The following PYROXD1 variants were observed in gnomAD, a reference collection of about 807,000 sequenced individuals.
PYROXD1 encodes the protein tRNA ligase complex-associated NAD(P)H dehydrogenase PYROXD1.
In PYROXD1, 42 loss-of-function variants were observed where a neutral mutation model predicts 62.0. The observed-to-expected ratio is 0.68, with a 90% CI of 0.53 to 0.88. The LOEUF (loss-of-function observed/expected upper bound fraction) is 0.88. Among genes scored for constraint, PYROXD1 ranks in the 40% least tolerant of loss-of-function variants. The pLI is 0.00. For synonymous variants in PYROXD1, 170 were observed against 206.4 expected (o/e 0.82, Z 1.51); for missense variants, 493 against 604.8 (o/e 0.82, Z 1.94).
At position 21,466,793 on chromosome 12, in the gene PYROXD1, G is replaced by A. The variant is rs112581740; in HGVS notation, c.1117-688G>A. Among the ~76,000 whole-genome samples the A allele has an allele frequency of 1.1e-3, 161 of 152,290 alleles. 1 individual carries two copies. Among genetic ancestry groups the A allele is most frequent in the African/African-American group, 3.6e-3 (148 of 41,548 alleles). ...TTGTTCATTCAGTATGATATTGGCT[G>A]TGGGTTTGTCATAGATCTTATTATT... is the stretch of plus-strand genomic sequence containing the variant. On this transcript the variant is annotated intron_variant, in intron 10 of 11. Coordinates refer to ENST00000240651, the MANE Select transcript of PYROXD1 (RefSeq NM_024854.5).
intron 8 of PYROXD1, 70 bp from the exon 9 acceptor site, chr12:21,461,938 C>A: frequency 1.2e-6 from 1 of 849,688 alleles, no homozygotes; most frequent in South Asian, 1.5e-5. Flanking sequence ...TCATTGTAGT[C>A]ACATACACTG....
intron 2 of PYROXD1, among the ~76,000 whole-genome samples, chr12:21,444,093 T>C (rs1942344479): frequency 6.6e-6 from 1 of 152,188 alleles, no homozygotes. Context: ...GTAAGTTATA[T>C]ACAACAGAAG....
Position 21,470,452 on chromosome 12 carries a change from C to A in PYROXD1, c.*1698C>A. 3 of 1,248,636 alleles carry A rather than the reference C, an allele frequency of 2.4e-6. No individual in the cohort carries two copies. Among genetic ancestry groups the A allele is most frequent in the Non-Finnish European group, 3.2e-6 (3 of 930,886 alleles). The allele number at this position is 1,248,636 out of a possible 1,614,324, so 77.3% of individuals were successfully genotyped here. A position where few individuals can be genotyped will look rare whatever the true frequency, so the allele number is the denominator to read the frequency against. On this transcript the variant is annotated 3_prime_UTR_variant, in exon 12 of 12. Coordinates refer to ENST00000240651, the MANE Select transcript of PYROXD1 (RefSeq NM_024854.5). ...AAAATATTCTTTCTGTATCAGTTGG[C>A]TTTTTAAGTATACAGGGGTCTAGTT... is the stretch of plus-strand genomic sequence containing the variant.
chr12:21,455,868 C>T (rs1942586153), intron 6 of PYROXD1, 127 bp from the exon 7 acceptor site: 2 of 625,346 alleles, frequency 3.2e-6, no homozygotes. Flanking sequence ...ATATAGATAA[C>T]ATAGGTTAGT....
At chr12:21,452,047 AAAAT>A (rs754637266) in intron 4 of PYROXD1, 30 bp from the exon 5 acceptor site, 1 of 1,330,998 alleles carries the variant, frequency 7.5e-7, no homozygotes, top group East Asian at 2.3e-5. Context: ...CCACTATTAC[AAAAT>A]ACTACCTCAT....
intron 5 of PYROXD1, among the ~76,000 whole-genome samples, chr12:21,453,204 T>G (rs968631141): frequency 6.6e-6 from 1 of 152,088 alleles, no homozygotes; most frequent in African/African-American, 2.4e-5. Flanking sequence ...TTATTTACAT[T>G]TAAAAATTTT....
Position 21,437,807 on chromosome 12 carries a change from C to T in PYROXD1, c.77C>T (p.Ala26Val). The T allele has an allele frequency of 6.2e-7, 1 of 1,612,360 alleles. No homozygotes were observed. ...VGGGIAGVTC[A>V]EQLATHFPSE... ...GGCGGCATCGCGGGCGTCACTTGTG[C>T]GGAGCAGGTAGGGCGGTGCTCAGGC... Residue 26 changes from alanine to valine, a missense_variant, in exon 1 of 12, where the codon GCG becomes GTG. Coordinates refer to ENST00000240651, the MANE Select transcript of PYROXD1 (RefSeq NM_024854.5).
Position 21,462,062 on chromosome 12 carries a change from T to C in PYROXD1, c.935T>C (p.Phe312Ser). ...AATGAAAAGATATATGGCTGCGATT[T>C]CATTGTCAGTGCTACAGGAGTTACA... ...LTNEKIYGCD[F>S]IVSATGVTPN... is the part of the protein sequence containing the mutation. Residue 312 changes from phenylalanine to serine, a missense_variant, in exon 9 of 12, where the codon TTC becomes TCC. Around this residue, in one of 2 missense-constraint regions of PYROXD1, gnomAD observed 329 missense variants for 446.6 expected, o/e 0.74. Coordinates refer to ENST00000240651, the MANE Select transcript of PYROXD1 (RefSeq NM_024854.5). 1.2e-6 allele frequency: 2 copies of C among 1,613,072 alleles called. No individual in the cohort carries two copies. Among genetic ancestry groups the C allele is most frequent in the Non-Finnish European group, 1.7e-6 (2 of 1,179,590 alleles).
intron 7 of PYROXD1, among the ~76,000 whole-genome samples, chr12:21,459,283 T>C (rs1942652412): frequency 6.6e-6 from 1 of 152,148 alleles, no homozygotes; most frequent in African/African-American, 2.4e-5. Flanking sequence ...ACAGTTTCCA[T>C]GAAAACCCAA....
At chr12:21,457,433 CTT>C (rs202025872) in intron 7 of PYROXD1, among the ~76,000 whole-genome samples, 56 of 136,156 alleles carry the variant, frequency 4.1e-4, no homozygotes, top group Middle Eastern at 7.5e-3. Context: ...TGAAATGAAT[CTT>C]TTTTTTTTTT....
rs1942512340 is a variant in PYROXD1 at position 21,452,153 on chromosome 12, GTGT to G, written c.488_488+2del. 6.6e-7 allele frequency: 1 copy of G among 1,524,916 alleles called. No homozygotes were observed. The highest frequency in any genetic ancestry group is 8.9e-7 in the Non-Finnish European group (1 of 1,127,858). The allele number at this position is 1,524,916 out of a possible 1,614,324, so 94.5% of individuals were successfully genotyped here. On this transcript the variant is annotated splice_donor_variant and coding_sequence_variant, in exon 5 of 12. Transcript: ENST00000240651. LOFTEE classifies it high-confidence loss of function. ...GAACGGTGGTATTGCACTTGAGTTA[GTGT>G]AAGTATATATTTTTAAATATGATAA...
rs765525439 is a variant in PYROXD1 at position 21,440,389 on chromosome 12, G to A, written c.106G>A (p.Glu36Lys). The A allele has an allele frequency of 6.3e-7, 1 of 1,595,378 alleles. No homozygotes were observed. Among genetic ancestry groups the A allele is most frequent in the Non-Finnish European group, 8.5e-7 (1 of 1,171,098 alleles). ...AEQLATHFPS[E>K]DILLVTASPV... The stretch of plus-strand genomic sequence containing the variant: ...TAAGTTGGCTACTCACTTTCCATCG[G>A]AAGATATTCTCTTGGTAACAGCTTC... Residue 36 changes from glutamate (E) to lysine (K), a missense_variant, in exon 2 of 12, where the codon GAA (glutamate) becomes AAA (lysine). Around this residue, in one of 2 missense-constraint regions of PYROXD1, gnomAD observed 164 missense variants for 158.2 expected, o/e 1.04. Transcript: ENST00000240651.
At chr12:21,440,775 C>G (rs534065984) in intron 2 of PYROXD1, among the ~76,000 whole-genome samples, 1 of 152,188 alleles carries the variant, frequency 6.6e-6, no homozygotes, top group East Asian at 1.9e-4. Context: ...CAGCTTTTCT[C>G]CATTCAATAT....
chr12:21,453,704 G>GA (rs2137265110), intron 5 of PYROXD1, among the ~76,000 whole-genome samples: 1 of 151,974 alleles, frequency 6.6e-6, no homozygotes, highest in East Asian at 1.9e-4. Context: ...AAGAGGATTA[G>GA]AAGGTGTCCT....
At chr12:21,467,724 T>A in intron 11 of PYROXD1, 106 bp downstream of exon 11, 1 of 873,098 alleles carries the variant, frequency 1.1e-6, no homozygotes, top group African/African-American at 1.7e-5. Flanking sequence ...GTTTTAATCA[T>A]CTACAAAAAA....
intron 3 of PYROXD1, among the ~76,000 whole-genome samples, chr12:21,448,821 AG>A (rs1347037767): frequency 6.6e-6 from 1 of 152,192 alleles, no homozygotes; most frequent in African/African-American, 2.4e-5. Context: ...AAAGAACAAA[AG>A]CAATATATCT....
At chr12:21,459,610 G>T (rs1325068567) in intron 7 of PYROXD1, among the ~76,000 whole-genome samples, 2 of 152,192 alleles carry the variant, frequency 1.3e-5, no homozygotes, top group African/African-American at 4.8e-5. Flanking sequence ...GGAAGTGGAA[G>T]ACAGTCTTGT....
At chr12:21,448,288 C>T (rs374203974) in intron 3 of PYROXD1, 83 of 353,808 alleles carry the variant, frequency 2.3e-4, no homozygotes, top group African/African-American at 1.3e-3. Context: ...GAGGCGAGGA[C>T]GCAGAGTGTG....
rs369387213 is a variant in PYROXD1, at chr12:21,461,995, T to G, written c.881-13T>G. 6.3e-7 allele frequency: 1 copy of G among 1,585,476 alleles called. No homozygotes were observed. The highest frequency in any genetic ancestry group is 1.3e-5 in the African/African-American group (1 of 74,144). The stretch of plus-strand genomic sequence containing the variant: ...CAAATAAAGTCTGTTTTTTTGGTTT[T>G]TTTTTCTTAAAGAGATGTGGCCTGT... On this transcript the variant is annotated splice_polypyrimidine_tract_variant and intron_variant, in intron 8 of 11. Transcript: ENST00000240651.
Sources: allele counts gnomAD v4.1 joint callset (sites outside exome capture counted in the v4.1 genomes callset), GRCh38; gene constraint gnomAD v4.1.1; regional missense constraint gnomAD v4.1.1; transcripts MANE v1.5; gene names NCBI Gene and HGNC (gene_info 2026-07-23, HGNC 2026-07-21).